The following SIRT2 variants were observed in gnomAD, a reference collection of about 807,000 sequenced individuals.
The protein encoded by SIRT2 is sirtuin 2, also known as NAD-dependent protein deacetylase sirtuin-2.
Under a neutral mutation model 57.4 loss-of-function variants are expected in SIRT2, and 40 were observed. The ratio of observed to expected loss-of-function variants is 0.70; its 90% CI spans 0.54 to 0.91. The LOEUF is 0.91. SIRT2 is among the 40% of genes least tolerant of loss of function. SIRT2 has a pLI of 0.00. For synonymous variants in SIRT2, 161 were observed against 195.7 expected, an observed-to-expected ratio of 0.82 and a Z score of 1.48; for missense variants, 439 against 510.4, an observed-to-expected ratio of 0.86 and a Z score of 1.35.
chr19:38,893,637 G>A, intron 3 of SIRT2, 110 bp from the exon 4 acceptor site: 2 of 1,168,866 alleles, frequency 1.7e-6, no homozygotes, highest in Middle Eastern at 2.2e-4. Context: ...CACATCTAAA[G>A]GCACAAGGCC....
chr19:38,889,469 C>G (rs1973452477), intron 7 of SIRT2: 6 of 658,376 alleles, frequency 9.1e-6, no homozygotes, highest in Non-Finnish European at 1.6e-5. Context: ...CAGCCCTCTT[C>G]AGACAGTACC....
At chr19:38,886,300 G>GTTT (rs1216503876) in intron 8 of SIRT2, among the ~76,000 whole-genome samples, 1 of 152,060 alleles carries the variant, frequency 6.6e-6, no homozygotes, top group Non-Finnish European at 1.5e-5. Flanking sequence ...CTAAATCTTG[G>GTTT]TTTTGCCTTT....
chr19:38,883,855 T>A, intron 8 of SIRT2, 99 bp from the exon 9 acceptor site: 1 of 1,332,802 alleles, frequency 7.5e-7, no homozygotes. Context: ...AGCAGTGAGG[T>A]GGTGGGGACA....
Position 38,879,324 on chromosome 19 carries a change from G to A in SIRT2, c.1015-14C>T, listed in dbSNP as rs1012736605. On this transcript the variant is annotated splice_polypyrimidine_tract_variant and intron_variant, in intron 15 of 15. Coordinates refer to ENST00000249396, the MANE Select transcript of SIRT2 (RefSeq NM_012237.4). The stretch of plus-strand genomic sequence containing the variant: ...CTCCAGCTCCTTCTGCAGGAGCAAA[G>A]GTCACAGAAGTCAAAGGTCACTGTG... 6.2e-7 allele frequency: 1 copy of A among 1,613,330 alleles called. No homozygotes were observed. The highest frequency in any genetic ancestry group is 1.3e-5 in the African/African-American group (1 of 75,022).
At chr19:38,884,070 C>G (rs1402760073) in intron 8 of SIRT2, among the ~76,000 whole-genome samples, 6 of 149,308 alleles carry the variant, frequency 4.0e-5, no homozygotes, top group Non-Finnish European at 7.4e-5. Flanking sequence ...CAAGACCTGC[C>G]TGAGCAACAT....
intron 2 of SIRT2, among the ~76,000 whole-genome samples, chr19:38,895,516 CA>C (rs1360155560): frequency 8.5e-5 from 13 of 152,346 alleles, no homozygotes; most frequent in African/African-American, 3.1e-4. Context: ...CACCAAAATG[CA>C]GTTCTGACCA....
At chr19:38,889,008 G>T in intron 8 of SIRT2, 79 bp downstream of exon 8, 1 of 1,356,586 alleles carries the variant, frequency 7.4e-7, no homozygotes, top group Non-Finnish European at 1.0e-6. Flanking sequence ...TCTTGGGCAC[G>T]CAGCTCTGCT....
intron 4 of SIRT2, among the ~76,000 whole-genome samples, chr19:38,892,542 C>A (rs1342584364): frequency 6.6e-6 from 1 of 152,158 alleles, no homozygotes; most frequent in African/African-American, 2.4e-5. Flanking sequence ...CTGCTCTAAG[C>A]ATTTGCATTT....
At chr19:38,887,306 G>A (rs1174553187) in intron 8 of SIRT2, among the ~76,000 whole-genome samples, 1 of 152,152 alleles carries the variant, frequency 6.6e-6, no homozygotes, top group African/African-American at 2.4e-5. Flanking sequence ...TACTTTGACA[G>A]AAGCTGACAA....
chr19:38,889,041 C>T (rs769153511), intron 8 of SIRT2, 46 bp downstream of exon 8: 40 of 1,571,862 alleles, frequency 2.5e-5, no homozygotes, highest in Admixed American at 3.3e-5. Flanking sequence ...ACACCATGCC[C>T]GTTCCACCCG....
chr19:38,885,909 T>G (rs1340231331), intron 8 of SIRT2, among the ~76,000 whole-genome samples: 1 of 152,142 alleles, frequency 6.6e-6, no homozygotes, highest in Non-Finnish European at 1.5e-5. Context: ...TTTAAGACAG[T>G]GAGACTTTCC....
chr19:38,898,019 G>T (rs987036717), intron 2 of SIRT2, among the ~76,000 whole-genome samples: 1 of 152,190 alleles, frequency 6.6e-6, no homozygotes, highest in Non-Finnish European at 1.5e-5. Flanking sequence ...AGTTACTTTC[G>T]TCATCACGCT....
Position 38,880,748 on chromosome 19 carries a change from G to A in SIRT2, c.825-12C>T, listed in dbSNP as rs779720720. On this transcript the variant is annotated splice_polypyrimidine_tract_variant and intron_variant, in intron 12 of 15. Coordinates refer to ENST00000249396, the MANE Select transcript of SIRT2 (RefSeq NM_012237.4). This position sits in a 1 kb window ranked among gnomAD's most constrained non-coding sequence, Gnocchi z 4.1. ...TGGAGAGGGGTGCCCTGTGGGGAGG[G>A]GGAGCTAAGGGGTCAGGGTCTGTCC... The A allele has an allele frequency of 6.8e-6, 11 of 1,608,558 alleles. No individual in the cohort carries two copies. The highest frequency in any genetic ancestry group is 1.7e-5 in the Admixed American group (1 of 59,854).
intron 5 of SIRT2, 55 bp downstream of exon 5, chr19:38,890,048 T>G: frequency 5.6e-6 from 9 of 1,610,876 alleles, no homozygotes; most frequent in Non-Finnish European, 7.6e-6. Flanking sequence ...CCCCAGCCCT[T>G]GGGAGGGACT....
chr19:38,889,505 A>G, intron 7 of SIRT2, 184 bp downstream of exon 7: 1 of 689,822 alleles, frequency 1.4e-6, no homozygotes, highest in Non-Finnish European at 2.5e-6. Flanking sequence ...CAGGAGGCAA[A>G]TCGGAGGCTC....
chr19:38,888,053 C>T (rs1250707686), intron 8 of SIRT2, among the ~76,000 whole-genome samples: 2 of 152,144 alleles, frequency 1.3e-5, no homozygotes, highest in Non-Finnish European at 2.9e-5. Context: ...CGCGCCCGGC[C>T]ACCTGTTTTA....
chr19:38,889,649 A>G, intron 7 of SIRT2, 40 bp downstream of exon 7: 1 of 1,611,748 alleles, frequency 6.2e-7, no homozygotes, highest in Non-Finnish European at 8.5e-7. Flanking sequence ...GCCCTCCCCC[A>G]ACCCTTCCTG....
intron 8 of SIRT2, among the ~76,000 whole-genome samples, chr19:38,886,137 C>T (rs188126119): frequency 1.5e-4 from 23 of 152,232 alleles, no homozygotes; most frequent in African/African-American, 5.3e-4. Flanking sequence ...CCAGAAACAA[C>T]GGGAAGGGTT....
At chr19:38,885,939 G>A (rs1181635816) in intron 8 of SIRT2, among the ~76,000 whole-genome samples, 2 of 152,128 alleles carry the variant, frequency 1.3e-5, no homozygotes, top group Non-Finnish European at 2.9e-5. Flanking sequence ...AGGTGGGAAT[G>A]TTCTTTTCTG....
Sources: gnomAD v4.1 joint callset for allele counts (sites outside exome capture counted in the v4.1 genomes callset) on GRCh38, gnomAD v4.1.1 for gene constraint, Gnocchi (gnomAD v3.1) non-coding constraint, MANE v1.5 for transcripts, NCBI Gene and HGNC (gene_info 2026-07-23, HGNC 2026-07-21) for gene names.